MBLAC2: variants seen among roughly 807,000 people sequenced by gnomAD.
MBLAC2 encodes metallo-beta-lactamase domain containing 2, also known as acyl-coenzyme A thioesterase MBLAC2.
MBLAC2 carries 24 observed loss-of-function variants against 23.3 expected under a neutral mutation model. The ratio of observed to expected loss-of-function variants is 1.03; its 90% CI spans 0.75 to 1.45. The LOEUF (loss-of-function observed/expected upper bound fraction) is 1.45. MBLAC2 is among the 40% of genes most tolerant of loss of function. The pLI is 0.00. For synonymous variants in MBLAC2, 162 were observed against 150.9 expected, an observed-to-expected ratio of 1.07 and a Z score of -0.54; for missense variants, 358 against 370.0, an observed-to-expected ratio of 0.97 and a Z score of 0.27.
chr5:90,472,695 T>C (rs1367235724), intron 1 of MBLAC2: 2 of 152,226 alleles, frequency 1.3e-5, no homozygotes, highest in East Asian at 1.9e-4. Context: ...CGTTTTAATA[T>C]ACCACATTGG....
intron 1 of MBLAC2, chr5:90,473,363 C>A: frequency 2.8e-6 from 1 of 362,750 alleles, no homozygotes; most frequent in Non-Finnish European, 5.0e-6. Context: ...GTGGGAACTG[C>A]CCATACCCGG....
rs1750312639 is a variant in MBLAC2, at chr5:90,459,083, T to C, written c.*2084A>G. 1 of 152,582 alleles carries C rather than the reference T, an allele frequency of 6.6e-6. No individual in the cohort carries two copies. Among genetic ancestry groups the C allele is most frequent in the African/African-American group, 2.4e-5 (1 of 41,446 alleles). 9.5% of individuals were successfully genotyped at this position (152,582 alleles called of 1,614,324 possible). ...AAAAATGGTCAGTGGTTAAGGACTT[T>C]TGGTTTTCCTTTGTGCTATTGATAT... On this transcript the variant is annotated 3_prime_UTR_variant, in exon 2 of 2. Transcript: ENST00000316610.
At position 90,469,648 on chromosome 5, in the gene MBLAC2, G is replaced by GT. The variant is rs201959864; in HGVS notation, c.454+4190dup. On this transcript the variant is annotated intron_variant, in intron 1 of 1. Transcript: ENST00000316610. ...CTGATCTCATGTTAGAGAATTTTCT[G>GT]TTTTTTTATAATGCTTGGTTGCCTA... is the stretch of plus-strand genomic sequence containing the variant. Among the ~76,000 whole-genome samples the GT allele has an allele frequency of 6.1e-3, 925 of 152,068 alleles. 11 individuals carry two copies. Among genetic ancestry groups the GT allele is most frequent in the African/African-American group, 0.021 (889 of 41,482 alleles).
intron 1 of MBLAC2, among the ~76,000 whole-genome samples, chr5:90,466,111 A>G (rs1750440952): frequency 1.3e-5 from 2 of 152,372 alleles, no homozygotes; most frequent in East Asian, 3.9e-4. Context: ...TCTTTTGGCT[A>G]AGATCAAGTG....
chr5:90,461,575 C>A, intron 1 of MBLAC2, 23 bp from the exon 2 acceptor site: 1 of 1,584,852 alleles, frequency 6.3e-7, no homozygotes. Flanking sequence ...ACAGAGTTTA[C>A]AGATAAACAT....
chr5:90,474,268 G>A lies in MBLAC2; in HGVS notation c.25C>T (p.His9Tyr). The change falls in exon 1 of 2, where the codon CAC becomes TAC. Residue 9 changes from histidine (H) to tyrosine (Y), a missense_variant. Transcript: ENST00000316610. Reference protein sequence around the residue: MSALEWYAHKSLGDGIFWI... With the variant: MSALEWYAYKSLGDGIFWI... Reference sequence around the variant, plus strand: ...AAGATACCATCGCCTAGAGACTTGTGGGCGTACCACTCGAGCGCCGACATG... The same window carrying A: ...AAGATACCATCGCCTAGAGACTTGTAGGCGTACCACTCGAGCGCCGACATG... The A allele has an allele frequency of 3.1e-6, 5 of 1,613,446 alleles. No individual in the cohort carries two copies. The highest frequency in any genetic ancestry group is 4.2e-6 in the Non-Finnish European group (5 of 1,179,814).
intron 1 of MBLAC2, among the ~76,000 whole-genome samples, chr5:90,462,740 A>C (rs1750386005): frequency 6.6e-6 from 1 of 152,162 alleles, no homozygotes; most frequent in Non-Finnish European, 1.5e-5. Flanking sequence ...ATGAAGCAAA[A>C]ACAAACAAAC....
At chr5:90,463,363 T>C (rs915664491) in intron 1 of MBLAC2, among the ~76,000 whole-genome samples, 5 of 152,356 alleles carry the variant, frequency 3.3e-5, no homozygotes, top group South Asian at 2.1e-4. Context: ...AGTGCTGGGA[T>C]TGCAGGCATG....
Position 90,459,815 on chromosome 5 carries a change from T to TA in MBLAC2, c.*1351dup, listed in dbSNP as rs1363510737. On this transcript the variant is annotated 3_prime_UTR_variant, in exon 2 of 2. Transcript: ENST00000316610. ...TTTATGTGTGTGTGAGTTGAATGAA[T>TA]AAAAAACTAAAGAACCTGGGCATCT... 1 of 152,454 alleles carries TA rather than the reference T, an allele frequency of 6.6e-6. No individual in the cohort carries two copies. The highest frequency in any genetic ancestry group is 1.5e-5 in the Non-Finnish European group (1 of 67,954). 9.4% of individuals were successfully genotyped at this position (152,454 alleles called of 1,614,324 possible). A position where few individuals can be genotyped will look rare whatever the true frequency, so the allele number is the denominator to read the frequency against.
chr5:90,474,542 A>C lies in MBLAC2; in HGVS notation c.-250T>G. 1 of 519,546 alleles carries C rather than the reference A, an allele frequency of 1.9e-6. No individual in the cohort carries two copies. Among genetic ancestry groups the C allele is most frequent in the Non-Finnish European group, 3.4e-6 (1 of 293,240 alleles). 32.2% of individuals were successfully genotyped at this position (519,546 alleles called of 1,614,324 possible). ...AGCAAGCAGAGGCTGCGCCACCAGCACGGGGGCGCAGGAGCTACCGCAGCC... is the reference window on the plus strand; with the variant it reads ...AGCAAGCAGAGGCTGCGCCACCAGCCCGGGGGCGCAGGAGCTACCGCAGCC... On this transcript the variant is annotated 5_prime_UTR_variant, in exon 1 of 2. Transcript: ENST00000316610.
chr5:90,458,342 A>G lies in MBLAC2; in HGVS notation c.*2825T>C, dbSNP rs141433464. The G allele has an allele frequency of 1.3e-5, 2 of 152,312 alleles. No homozygotes were observed. Among genetic ancestry groups the G allele is most frequent in the East Asian group, 3.9e-4 (2 of 5,184 alleles). The allele number at this position is 152,312 out of a possible 1,614,324, so 9.4% of individuals were successfully genotyped here. ...TACATTTAGTCAACTATATCAGGAT[A>G]ACACACAAGGTTTTTGTTTGTTTTA... On this transcript the variant is annotated 3_prime_UTR_variant, in exon 2 of 2. Transcript: ENST00000316610.
rs1750362249 is a variant in MBLAC2 at position 90,461,300 on chromosome 5, C to A, written c.707G>T (p.Gly236Val). 4 of 1,614,142 alleles carry A rather than the reference C, an allele frequency of 2.5e-6. No individual in the cohort carries two copies. Among genetic ancestry groups the A allele is most frequent in the Non-Finnish European group, 2.5e-6 (3 of 1,180,028 alleles). ...KVLPGHFNTF[G>V]AERLFRLASN... ...AGCCAATCGAAAAAGCCTTTCAGCACCAAAGGTATTGAAGTGCCCAGGAAG... is the reference window on the plus strand; with the variant it reads ...AGCCAATCGAAAAAGCCTTTCAGCAACAAAGGTATTGAAGTGCCCAGGAAG... Residue 236 changes from glycine to valine, a missense_variant, in exon 2 of 2, where the codon GGT becomes GTT. Gly to Val is a moderately radical substitution (Grantham distance 109). Transcript: ENST00000316610.
In MBLAC2 at chr5:90,461,148, TA is replaced by T; in HGVS notation, c.*18del. 1 of 1,513,732 alleles carries T rather than the reference TA, an allele frequency of 6.6e-7. No homozygotes were observed. Among genetic ancestry groups the T allele is most frequent in the Non-Finnish European group, 8.8e-7 (1 of 1,135,716 alleles). The allele number at this position is 1,513,732 out of a possible 1,614,324, so 93.8% of individuals were successfully genotyped here. Reference sequence around the variant, plus strand: ...AATTAATGTATATAATTAATCAAAATATATTATCAGTATAGATACTAGGGCG... The same window carrying T: ...AATTAATGTATATAATTAATCAAAATTATTATCAGTATAGATACTAGGGCG... On this transcript the variant is annotated 3_prime_UTR_variant, in exon 2 of 2. Transcript: ENST00000316610.
chr5:90,464,178 TATA>T (rs1750413935), intron 1 of MBLAC2, among the ~76,000 whole-genome samples: 1 of 152,198 alleles, frequency 6.6e-6, no homozygotes, highest in Non-Finnish European at 1.5e-5. Context: ...ATTTCAACCC[TATA>T]ATAATTTCAA....
At chr5:90,473,535 T>A (rs926879113) in intron 1 of MBLAC2, 1 of 614,302 alleles carries the variant, frequency 1.6e-6, no homozygotes, top group African/African-American at 1.9e-5. Flanking sequence ...CAGTCACAAG[T>A]CTTTGTAGTG....
chr5:90,463,806 A>C (rs1750408597), intron 1 of MBLAC2, among the ~76,000 whole-genome samples: 1 of 152,196 alleles, frequency 6.6e-6, no homozygotes. Flanking sequence ...ACAGTTGTTT[A>C]TTTGAAAACT....
chr5:90,461,055 A>T lies in MBLAC2; in HGVS notation c.*112T>A. 1 of 841,112 alleles carries T rather than the reference A, an allele frequency of 1.2e-6. No homozygotes were observed. Among genetic ancestry groups the T allele is most frequent in the Non-Finnish European group, 1.8e-6 (1 of 570,488 alleles). 52.1% of individuals were successfully genotyped at this position (841,112 alleles called of 1,614,324 possible). On this transcript the variant is annotated 3_prime_UTR_variant, in exon 2 of 2. Transcript: ENST00000316610. ...CTTATTCATTCTCAATCTTTCTCTG[A>T]TATATAATAGTGGTATAAAAGCACT...
In MBLAC2 at chr5:90,474,218, C is replaced by T. The variant is rs770266561; in HGVS notation, c.75G>A (p.Glu25=). 1.9e-6 allele frequency: 3 copies of T among 1,613,038 alleles called. No homozygotes were observed. The highest frequency in any genetic ancestry group is 1.1e-5 in the South Asian group (1 of 90,850). The change falls in exon 1 of 2, where the codon GAG becomes GAA. Residue 25 remains glutamate (E), a synonymous_variant. Transcript: ENST00000316610. ...GIFWIQERFY[E]SGNRANIWLV... is the part of the protein sequence containing the mutation. ...GCCAGATGTTGGCACGGTTGCCCGA[C>T]TCGTAGAAACGTTCTTGAATCCAGA...
At chr5:90,473,743 C>CT in intron 1 of MBLAC2, 96 bp downstream of exon 1, 1 of 1,253,658 alleles carries the variant, frequency 8.0e-7, no homozygotes, top group South Asian at 1.3e-5. Context: ...AAATAATCCC[C>CT]TTTATGGCCA....
Sources: allele counts gnomAD v4.1 joint callset (sites outside exome capture counted in the v4.1 genomes callset), GRCh38; gene constraint gnomAD v4.1.1; transcripts MANE v1.5; gene names NCBI Gene and HGNC (gene_info 2026-07-23, HGNC 2026-07-21).